CNTNAP2: variants seen among roughly 807,000 people sequenced by gnomAD.
CNTNAP2 encodes the protein contactin-associated protein-like 2.
In CNTNAP2, 98 loss-of-function variants were observed where a neutral mutation model predicts 155.2. The ratio of observed to expected loss-of-function variants is 0.63; its 90% CI spans 0.54 to 0.75. The LOEUF (loss-of-function observed/expected upper bound fraction) is 0.75, where lower values mean the gene tolerates loss of function less well. CNTNAP2 is among the 30% of genes least tolerant of loss of function. CNTNAP2 has a pLI of 0.00. For synonymous variants in CNTNAP2, 651 were observed against 631.2 expected, an observed-to-expected ratio of 1.03 and a Z score of -0.47; for missense variants, 1,727 against 1,688.1, an observed-to-expected ratio of 1.02 and a Z score of -0.40.
intron 1 of CNTNAP2, among the ~76,000 whole-genome samples, chr7:146,759,711 A>AAAG (rs1309834469): frequency 1.5e-3 from 93 of 60,732 alleles, no homozygotes; most frequent in Middle Eastern, 0.011. Context: ...AAAAAAAAAA[A>AAAG]GGTGGGTGGG....
intron 10 of CNTNAP2, among the ~76,000 whole-genome samples, chr7:147,474,731 A>G (rs1798285015): frequency 6.6e-6 from 1 of 152,224 alleles, no homozygotes; most frequent in African/African-American, 2.4e-5. Flanking sequence ...CTCACAAGAA[A>G]GAACCAGGAA....
At chr7:146,515,357 A>G (rs1407380436) in intron 1 of CNTNAP2, among the ~76,000 whole-genome samples, 1 of 151,994 alleles carries the variant, frequency 6.6e-6, no homozygotes, top group Non-Finnish European at 1.5e-5. Flanking sequence ...TGTGAGGGGA[A>G]CTTTTCTGCA....
chr7:148,303,749 G>A (rs538966266), intron 21 of CNTNAP2, among the ~76,000 whole-genome samples: 1 of 152,314 alleles, frequency 6.6e-6, no homozygotes, highest in Non-Finnish European at 1.5e-5. Context: ...GCCGTGGATA[G>A]AAAATGACCT....
At chr7:146,610,611 C>T (rs1186028809) in intron 1 of CNTNAP2, among the ~76,000 whole-genome samples, 1 of 152,104 alleles carries the variant, frequency 6.6e-6, no homozygotes, top group Non-Finnish European at 1.5e-5. Context: ...TTTTAAATCC[C>T]ATTTTTGAGA....
At chr7:147,432,671 C>T (rs1391316959) in intron 10 of CNTNAP2, among the ~76,000 whole-genome samples, 2 of 152,148 alleles carry the variant, frequency 1.3e-5, no homozygotes, top group Non-Finnish European at 2.9e-5. Flanking sequence ...CCTAATCTCC[C>T]AACCACAGTC....
chr7:146,455,025 A>G (rs1796535315), intron 1 of CNTNAP2, among the ~76,000 whole-genome samples: 1 of 152,136 alleles, frequency 6.6e-6, no homozygotes, highest in South Asian at 2.1e-4. Flanking sequence ...GGGCTCTTTG[A>G]GATCCACTGC....
intron 8 of CNTNAP2, among the ~76,000 whole-genome samples, chr7:147,250,135 G>A (rs1442479581): frequency 6.6e-6 from 1 of 152,070 alleles, no homozygotes; most frequent in Admixed American, 6.5e-5. Context: ...CTCTTCACAA[G>A]CTCCCCATGT....
rs527610947 is a variant in CNTNAP2, at chr7:147,217,370, A to AT, written c.1349-82763dup. Among the ~76,000 whole-genome samples the AT allele has an allele frequency of 1.7e-3, 257 of 151,444 alleles. 1 individual carries two copies. The highest frequency in any genetic ancestry group is 0.014 in the Middle Eastern group (4 of 290). On this transcript the variant is annotated intron_variant, in intron 8 of 23. Coordinates refer to ENST00000361727, the MANE Select transcript of CNTNAP2 (RefSeq NM_014141.6). ...TGTTTTTATCATAAATGGGTGATAG[A>AT]TTTTTTTTCAGATAATTTCTCTGCA...
chr7:146,644,391 G>T (rs957298146), intron 1 of CNTNAP2, among the ~76,000 whole-genome samples: 61 of 152,164 alleles, frequency 4.0e-4, no homozygotes, highest in East Asian at 1.2e-3. Flanking sequence ...TCAAAGGCCT[G>T]TTCTGCATCT....
intron 1 of CNTNAP2, among the ~76,000 whole-genome samples, chr7:146,398,003 A>G (rs530245616): frequency 7.9e-5 from 12 of 151,746 alleles, no homozygotes; most frequent in African/African-American, 2.7e-4. Context: ...CCTCCCCGGT[A>G]GCTGGGACTT....
chr7:146,780,891 AG>A (rs1354280705), intron 2 of CNTNAP2, among the ~76,000 whole-genome samples: 5 of 151,958 alleles, frequency 3.3e-5, no homozygotes, highest in Non-Finnish European at 5.9e-5. Flanking sequence ...GGCAAGGAGA[AG>A]GAGAGCATTA....
chr7:148,317,583 A>C (rs1350775690), intron 21 of CNTNAP2, among the ~76,000 whole-genome samples: 3 of 152,204 alleles, frequency 2.0e-5, no homozygotes, highest in South Asian at 2.1e-4. Context: ...AGTAAACTGC[A>C]GTCCTGTTAC....
intron 3 of CNTNAP2, among the ~76,000 whole-genome samples, chr7:146,943,963 T>C (rs1174502750): frequency 6.6e-6 from 1 of 152,192 alleles, no homozygotes; most frequent in African/African-American, 2.4e-5. Flanking sequence ...TAATTTGTAC[T>C]ATAGTTAATT....
intron 21 of CNTNAP2, among the ~76,000 whole-genome samples, chr7:148,336,265 T>A (rs4398816): frequency 6.9e-4 from 105 of 152,002 alleles, no homozygotes; most frequent in Non-Finnish European, 1.4e-3. Flanking sequence ...ATTCTAGTCC[T>A]TATTTAATAC....
intron 11 of CNTNAP2, among the ~76,000 whole-genome samples, chr7:147,561,112 T>G (rs1392054718): frequency 6.6e-6 from 1 of 151,984 alleles, no homozygotes; most frequent in East Asian, 1.9e-4. Context: ...CAGTGAAAGC[T>G]CTCTAATTCT....
rs1802502126 is a variant in CNTNAP2, at chr7:148,032,762, G to A, written c.2383+54773G>A. Among the ~76,000 whole-genome samples, 4 of 152,178 alleles carry A rather than the reference G, an allele frequency of 2.6e-5. No individual in the cohort carries two copies. In the South Asian group the frequency reaches 6.2e-4, roughly 24 times the overall value. On this transcript the variant is annotated intron_variant, in intron 15 of 23. Coordinates refer to ENST00000361727, the MANE Select transcript of CNTNAP2 (RefSeq NM_014141.6). ...GGAGCCATTCACCTCACCTGCTGAC[G>A]CGAAGGCTGCTTGCCAGTTTTAGGG... is the stretch of plus-strand genomic sequence containing the variant.
In CNTNAP2 at chr7:147,108,159, T is replaced by A; in HGVS notation, c.563T>A (p.Ile188Asn). The A allele has an allele frequency of 5.6e-6, 9 of 1,613,348 alleles. No homozygotes were observed. The highest frequency in any genetic ancestry group is 7.6e-6 in the Non-Finnish European group (9 of 1,179,668). Residue 188 changes from isoleucine to asparagine, a missense_variant, in exon 5 of 24, where the codon ATC (isoleucine) becomes AAC (asparagine). Transcript: ENST00000361727. The part of the protein sequence containing the change: ...VYGCSYWADV[I>N]NFDGHVVLPY... Reference sequence around the variant, plus strand: ...TTTTTTGTTTTAGGGGCTGATGTTATCAACTTTGATGGCCATGTTGTATTA... The same window carrying A: ...TTTTTTGTTTTAGGGGCTGATGTTAACAACTTTGATGGCCATGTTGTATTA...
chr7:147,209,162 C>A (rs1229301889), intron 8 of CNTNAP2, among the ~76,000 whole-genome samples: 1 of 151,984 alleles, frequency 6.6e-6, no homozygotes, highest in Non-Finnish European at 1.5e-5. Context: ...ATTGAATTTG[C>A]AGATTGCTTT....
chr7:146,215,864 T>C (rs1033786591), intron 1 of CNTNAP2, among the ~76,000 whole-genome samples: 1 of 152,198 alleles, frequency 6.6e-6, no homozygotes, highest in African/African-American at 2.4e-5. Flanking sequence ...TGATAAATAA[T>C]ATTTTACCTT....
Sources: gnomAD v4.1 joint callset for allele counts (sites outside exome capture counted in the v4.1 genomes callset) on GRCh38, gnomAD v4.1.1 for gene constraint, MANE v1.5 for transcripts, NCBI Gene and HGNC (gene_info 2026-07-23, HGNC 2026-07-21) for gene names.